The following AGBL4 variants were observed in gnomAD, a reference collection of about 807,000 sequenced individuals.
AGBL4 encodes the protein AGBL carboxypeptidase 4, also known as cytosolic carboxypeptidase 6.
A neutral mutation model predicts 66.4 loss-of-function variants in AGBL4; 58 were observed. The ratio of observed to expected loss-of-function variants is 0.87; its 90% CI spans 0.71 to 1.09. The LOEUF (loss-of-function observed/expected upper bound fraction) is 1.09, where lower values mean the gene tolerates loss of function less well. Ranked by LOEUF, AGBL4 falls within the 50% of genes least tolerant of loss-of-function variation. AGBL4 has a pLI of 0.00. For missense variants in AGBL4, 579 were observed against 631.0 expected (o/e 0.92, Z 0.88); for synonymous variants, 234 against 222.9 (o/e 1.05, Z -0.44).
intron 6 of AGBL4, among the ~76,000 whole-genome samples, chr1:48,816,322 A>G (rs985422324): frequency 1.3e-5 from 2 of 152,144 alleles, no homozygotes; most frequent in African/African-American, 4.8e-5. Flanking sequence ...TACGATTTGA[A>G]GTCCCTTGAT....
At chr1:48,698,266 G>A (rs895224106) in intron 6 of AGBL4, among the ~76,000 whole-genome samples, 1 of 152,208 alleles carries the variant, frequency 6.6e-6, no homozygotes, top group Non-Finnish European at 1.5e-5. Flanking sequence ...GCATAGAGAA[G>A]CAGCAAAGAG....
intron 3 of AGBL4, among the ~76,000 whole-genome samples, chr1:49,345,111 G>A (rs1345591053): frequency 6.6e-6 from 1 of 151,976 alleles, no homozygotes; most frequent in Non-Finnish European, 1.5e-5. Flanking sequence ...GGCTTATTTG[G>A]TATATTGAAA....
intron 6 of AGBL4, among the ~76,000 whole-genome samples, chr1:48,700,202 T>C (rs891215576): frequency 1.3e-5 from 2 of 152,138 alleles, no homozygotes; most frequent in African/African-American, 4.8e-5. Context: ...GCTCATAGGT[T>C]CCCTCCATTT....
intron 8 of AGBL4, among the ~76,000 whole-genome samples, chr1:48,642,288 G>T (rs542893292): frequency 2.9e-3 from 436 of 152,296 alleles, no homozygotes; most frequent in Non-Finnish European, 4.5e-3. Flanking sequence ...CGGCAAGGTG[G>T]TGTGACTGGG....
intron 4 of AGBL4, among the ~76,000 whole-genome samples, chr1:49,059,384 G>A (rs1416180906): frequency 1.3e-5 from 2 of 152,252 alleles, no homozygotes; most frequent in Non-Finnish European, 2.9e-5. Flanking sequence ...ATTGGGGTTT[G>A]GGAACCTCTG....
chr1:48,839,206 A>G (rs1051112161), intron 6 of AGBL4, among the ~76,000 whole-genome samples: 3 of 152,122 alleles, frequency 2.0e-5, no homozygotes, highest in East Asian at 3.9e-4. Flanking sequence ...AAATCAGCAT[A>G]TTGAAGAGAT....
intron 3 of AGBL4, among the ~76,000 whole-genome samples, chr1:49,285,563 A>C (rs867059727): frequency 3.3e-5 from 5 of 152,334 alleles, no homozygotes; most frequent in Middle Eastern, 3.4e-3. Flanking sequence ...AACCCTTCAA[A>C]AAATTAATGA....
intron 1 of AGBL4, among the ~76,000 whole-genome samples, chr1:50,011,263 G>A (rs1661509621): frequency 6.6e-6 from 1 of 152,072 alleles, no homozygotes; most frequent in Non-Finnish European, 1.5e-5. Flanking sequence ...AAATCAAAAT[G>A]GCAAACAGGC....
chr1:48,612,101 C>T (rs551762847), intron 9 of AGBL4, among the ~76,000 whole-genome samples: 104 of 152,328 alleles, frequency 6.8e-4, no homozygotes, highest in African/African-American at 2.4e-3. Context: ...ACTGCCAGTG[C>T]GGCCAGGGGC....
At chr1:49,019,638 G>A (rs1299557033) in intron 5 of AGBL4, among the ~76,000 whole-genome samples, 6 of 152,150 alleles carry the variant, frequency 3.9e-5, no homozygotes, top group African/African-American at 1.4e-4. Context: ...AAAGTCTTCA[G>A]GATAACAAAA....
chr1:48,829,185 C>T (rs938091624), intron 6 of AGBL4, among the ~76,000 whole-genome samples: 1 of 152,164 alleles, frequency 6.6e-6, no homozygotes, highest in Non-Finnish European at 1.5e-5. Flanking sequence ...GACATAAGAG[C>T]TTGGTGGACC....
chr1:49,788,148 A>G (rs550682187), intron 2 of AGBL4, among the ~76,000 whole-genome samples: 22 of 152,334 alleles, frequency 1.4e-4, no homozygotes, highest in Admixed American at 1.4e-3. Flanking sequence ...TTTCTTGGGG[A>G]TATGCAAACT....
At chr1:49,554,007 G>A (rs1479230005) in intron 3 of AGBL4, among the ~76,000 whole-genome samples, 1 of 152,068 alleles carries the variant, frequency 6.6e-6, no homozygotes, top group Non-Finnish European at 1.5e-5. Context: ...GGCGTTAGTG[G>A]TGCAATTCCA....
At chr1:49,125,169 C>T (rs1645740716) in intron 4 of AGBL4, among the ~76,000 whole-genome samples, 1 of 151,952 alleles carries the variant, frequency 6.6e-6, no homozygotes, top group African/African-American at 2.4e-5. Context: ...AGAAAAAAAG[C>T]ATATTTTGGT....
chr1:48,669,597 A>G (rs1212157610), intron 6 of AGBL4, among the ~76,000 whole-genome samples: 2 of 151,860 alleles, frequency 1.3e-5, no homozygotes, highest in Non-Finnish European at 2.9e-5. Flanking sequence ...CTCATCATTA[A>G]CTCTCCAAGC....
chr1:49,476,727 C>T (rs1014144215), intron 3 of AGBL4, among the ~76,000 whole-genome samples: 12 of 151,940 alleles, frequency 7.9e-5, no homozygotes, highest in African/African-American at 2.2e-4. Flanking sequence ...GAATAGTGAT[C>T]TCTGCTATTT....
intron 3 of AGBL4, among the ~76,000 whole-genome samples, chr1:49,556,756 G>C (rs1643911271): frequency 6.6e-6 from 1 of 152,046 alleles, no homozygotes; most frequent in African/African-American, 2.4e-5. Flanking sequence ...CCTCGGAGCA[G>C]GGGGCGAGGT....
chr1:49,994,545 C>T (rs973071832), intron 1 of AGBL4: 1 of 152,300 alleles, frequency 6.6e-6, no homozygotes, highest in Admixed American at 6.5e-5. Flanking sequence ...TGCCACTGCA[C>T]TCCAGCCTGG....
At chr1:49,636,142 G>A (rs1645667421) in intron 3 of AGBL4, among the ~76,000 whole-genome samples, 1 of 152,148 alleles carries the variant, frequency 6.6e-6, no homozygotes, top group African/African-American at 2.4e-5. Context: ...AAACCAGAGA[G>A]TAGAATGGAT....
Sources: allele counts gnomAD v4.1 joint callset (sites outside exome capture counted in the v4.1 genomes callset), GRCh38; gene constraint gnomAD v4.1.1; transcripts MANE v1.5; gene names NCBI Gene and HGNC (gene_info 2026-07-23, HGNC 2026-07-21).